TYR: variants seen among roughly 807,000 people sequenced by gnomAD.
The protein encoded by TYR is LB24-AB.
Under a neutral mutation model 51.5 loss-of-function variants are expected in TYR, and 58 were observed. The ratio of observed to expected loss-of-function variants is 1.13; its 90% confidence interval spans 0.91 to 1.40. The LOEUF is 1.40. TYR is among the 40% of genes most tolerant of loss of function. TYR has a pLI of 0.00. For synonymous variants in TYR, 263 were observed against 235.2 expected, an observed-to-expected ratio of 1.12 and a Z score of -1.08; for missense variants, 732 against 647.4, an observed-to-expected ratio of 1.13 and a Z score of -1.42.
At chr11:89,269,393 A>G (rs1200892089) in intron 3 of TYR, among the ~76,000 whole-genome samples, 1 of 151,918 alleles carries the variant, frequency 6.6e-6, no homozygotes, top group East Asian at 2.0e-4. Context: ...TGCCTAATGC[A>G]GTGTATCTCA....
At chr11:89,203,771 CAGAA>C (rs1247763477) in intron 2 of TYR, among the ~76,000 whole-genome samples, 7 of 151,974 alleles carry the variant, frequency 4.6e-5, no homozygotes, top group Admixed American at 2.6e-4. Context: ...CAAAACAAAA[CAGAA>C]AGAAAAAAAC....
intron 4 of TYR, among the ~76,000 whole-genome samples, chr11:89,289,668 G>A (rs1490637149): frequency 6.6e-6 from 1 of 152,006 alleles, no homozygotes; most frequent in African/African-American, 2.4e-5. Context: ...GTTGAAGAAA[G>A]ATAAAACAAG....
At chr11:89,240,537 C>A (rs1354227544) in intron 3 of TYR, among the ~76,000 whole-genome samples, 1 of 152,074 alleles carries the variant, frequency 6.6e-6, no homozygotes, top group African/African-American at 2.4e-5. Flanking sequence ...TGGTTATTAT[C>A]TTTTAATGTT....
intron 3 of TYR, among the ~76,000 whole-genome samples, chr11:89,275,975 G>A (rs968268073): frequency 6.6e-6 from 1 of 151,870 alleles, no homozygotes; most frequent in Non-Finnish European, 1.5e-5. Context: ...AATATATTAA[G>A]AGTTTATTTT....
At chr11:89,199,430 A>T (rs1591148765) in intron 2 of TYR, among the ~76,000 whole-genome samples, 2 of 152,334 alleles carry the variant, frequency 1.3e-5, no homozygotes, top group East Asian at 3.9e-4. Context: ...CTGAATTAAA[A>T]GGTGCAGGTA....
At chr11:89,263,137 T>C (rs1266633033) in intron 3 of TYR, among the ~76,000 whole-genome samples, 1 of 151,842 alleles carries the variant, frequency 6.6e-6, no homozygotes, top group Admixed American at 6.6e-5. Context: ...CCCAGCAGCA[T>C]ATAAAAATGT....
chr11:89,279,257 C>A (rs1944692556), intron 3 of TYR, among the ~76,000 whole-genome samples: 1 of 151,674 alleles, frequency 6.6e-6, no homozygotes, highest in African/African-American at 2.4e-5. Flanking sequence ...AAGCCATAAA[C>A]CCTAAAAATA....
rs1466589073 is a variant in TYR at position 89,232,108 on chromosome 11, A to G, written c.1184+4138A>G. Among the ~76,000 whole-genome samples the G allele has an allele frequency of 4.9e-5, 7 of 143,768 alleles. 2 individuals carry two copies. Among genetic ancestry groups the G allele is most frequent in the African/African-American group, 1.9e-4 (7 of 36,398 alleles). The allele number at this position is 143,768 out of a possible 152,430, so 94.3% of individuals were successfully genotyped here. ...AGATTTTAACTGTTCTTAGCACACG[A>G]AAAGTAAAAAGTAAGTATGTGAAGT... On this transcript the variant is annotated intron_variant, in intron 3 of 4. Transcript: ENST00000263321.
intron 2 of TYR, among the ~76,000 whole-genome samples, chr11:89,207,154 G>T (rs1392768056): frequency 2.0e-5 from 3 of 151,902 alleles, no homozygotes; most frequent in Non-Finnish European, 4.4e-5. Flanking sequence ...TTAAAAACAG[G>T]AATCAATACA....
In TYR at chr11:89,234,211, G is replaced by T. The variant is rs754002912; in HGVS notation, c.1184+6241G>T. 4.9e-5 allele frequency among the ~76,000 whole-genome samples: 7 copies of T among 143,254 alleles called. 1 individual carries two copies. Among genetic ancestry groups the T allele is most frequent in the Non-Finnish European group, 7.5e-5 (5 of 66,624 alleles). The allele number at this position is 143,254 out of a possible 152,430, so 94.0% of individuals were successfully genotyped here. A position where few individuals can be genotyped will look rare whatever the true frequency, so the allele number is the denominator to read the frequency against. On this transcript the variant is annotated intron_variant, in intron 3 of 4. Transcript: ENST00000263321. ...CCTTAAATCTTGTAAACCAAGCTTT[G>T]CCACCTCAAACATTGTTTCTGCAGC...
At chr11:89,204,479 C>T (rs1943644797) in intron 2 of TYR, among the ~76,000 whole-genome samples, 1 of 151,886 alleles carries the variant, frequency 6.6e-6, no homozygotes, top group African/African-American at 2.4e-5. Flanking sequence ...CTGCAACCTC[C>T]ACCTCCCAGA....
chr11:89,252,004 C>T (rs1202907101), intron 3 of TYR, among the ~76,000 whole-genome samples: 1 of 151,850 alleles, frequency 6.6e-6, no homozygotes, highest in Non-Finnish European at 1.5e-5. Flanking sequence ...TATGCCATCC[C>T]CATATATTTC....
chr11:89,180,553 G>GA (rs1239501501), intron 1 of TYR, among the ~76,000 whole-genome samples: 3,240 of 137,406 alleles, frequency 0.024, 95 homozygotes, highest in African/African-American at 0.078. Flanking sequence ...ATACTCTCTA[G>GA]AAAAAAAAAA....
At chr11:89,246,069 G>A (rs1357664149) in intron 3 of TYR, among the ~76,000 whole-genome samples, 2 of 152,142 alleles carry the variant, frequency 1.3e-5, no homozygotes, top group Non-Finnish European at 1.5e-5. Context: ...ATACTCCGAT[G>A]TGGCTGGGGC....
chr11:89,216,702 AAAG>A (rs10573250), intron 2 of TYR, among the ~76,000 whole-genome samples: 27,736 of 149,650 alleles, frequency 0.19, 3,419 homozygotes, highest in African/African-American at 0.35. Flanking sequence ...CTTTTAAGAA[AAAG>A]AAGTTGATTT....
At chr11:89,272,301 A>G (rs1408996214) in intron 3 of TYR, among the ~76,000 whole-genome samples, 5 of 151,918 alleles carry the variant, frequency 3.3e-5, no homozygotes, top group Non-Finnish European at 7.4e-5. Flanking sequence ...GATGTTGTGT[A>G]GGCAGGAATG....
chr11:89,195,741 G>A (rs1241163767), intron 2 of TYR, among the ~76,000 whole-genome samples: 1 of 151,930 alleles, frequency 6.6e-6, no homozygotes, highest in Non-Finnish European at 1.5e-5. Flanking sequence ...AGAAAAATAA[G>A]TCTGTATTAT....
chr11:89,183,250 T>C (rs1002944055), intron 1 of TYR, among the ~76,000 whole-genome samples: 14 of 152,174 alleles, frequency 9.2e-5, no homozygotes, highest in African/African-American at 3.1e-4. Context: ...CCTTTTTTCT[T>C]TGACTTGGAA....
intron 3 of TYR, among the ~76,000 whole-genome samples, chr11:89,274,946 C>T (rs942030672): frequency 6.6e-6 from 1 of 151,724 alleles, no homozygotes; most frequent in Admixed American, 6.6e-5. Context: ...TGGCCCTCCT[C>T]AGGAGGGTAT....
Sources: gnomAD v4.1 joint callset for allele counts (sites outside exome capture counted in the v4.1 genomes callset) on GRCh38, gnomAD v4.1.1 for gene constraint, MANE v1.5 for transcripts, NCBI Gene and HGNC (gene_info 2026-07-23, HGNC 2026-07-21) for gene names.